Variants in ATRX observed in about 807,000 individuals in gnomAD.
ATRX encodes the protein ATRX chromatin remodeler, also known as chromatin remodeler ATRX.
ATRX carries 12 observed loss-of-function variants against 172.6 expected under a neutral mutation model. The observed-to-expected ratio is 0.07, with a 90% CI of 0.04 to 0.11. The LOEUF (loss-of-function observed/expected upper bound fraction) is 0.11. Ranked by LOEUF, ATRX falls within the 10% of genes least tolerant of loss-of-function variation. The pLI is 1.00. For missense variants in ATRX, 1,368 were observed against 1,767.4 expected (o/e 0.77, Z 4.05); for synonymous variants, 674 against 594.7 (o/e 1.13, Z -1.94).
rs2072199898 is a variant in ATRX, at chrX:77,696,623, A to G, written c.324T>C (p.Ser108=). 3.3e-6 allele frequency: 4 copies of G among 1,200,515 alleles called. No homozygotes were observed. Among genetic ancestry groups the G allele is most frequent in the Non-Finnish European group, 4.5e-6 (4 of 886,603 alleles). ...LDDETVNEDA[S]NENSENDITM... ...TAATATCATTTTCTGAATTTTCATT[A>G]GACGCATCTTCATTTACAGTTTCAT... is the stretch of plus-strand genomic sequence containing the variant. The change falls in exon 5 of 35, where the codon TCT becomes TCC. Residue 108 remains serine, a synonymous_variant. Coordinates refer to ENST00000373344, the MANE Select transcript of ATRX (RefSeq NM_000489.6).
intron 2 of ATRX, among the ~76,000 whole-genome samples, chrX:77,710,657 T>G (rs1275302699): frequency 1.8e-5 from 2 of 111,053 alleles, no homozygotes; most frequent in African/African-American, 6.5e-5. Flanking sequence ...TCAATGAATC[T>G]CCACAGAATT....
chrX:77,726,489 G>A (rs1183661153), intron 1 of ATRX, among the ~76,000 whole-genome samples: 1 of 85,863 alleles, frequency 1.2e-5, no homozygotes, highest in African/African-American at 4.3e-5. Flanking sequence ...GGGGGGAGGG[G>A]GGAGGGATAG....
At chrX:77,735,959 G>A (rs1054207280) in intron 1 of ATRX, among the ~76,000 whole-genome samples, 1 of 108,570 alleles carries the variant, frequency 9.2e-6, no homozygotes, top group Non-Finnish European at 1.9e-5. Context: ...AGCTGAGACC[G>A]TGCCATTGCA....
chrX:77,583,481 G>A (rs1476860865), intron 27 of ATRX, among the ~76,000 whole-genome samples: 4 of 110,207 alleles, frequency 3.6e-5, no homozygotes, highest in South Asian at 3.9e-4. Context: ...CCAAGATCAC[G>A]CCATTGCATT....
At chrX:77,541,551 C>T (rs1470818507) in intron 30 of ATRX, among the ~76,000 whole-genome samples, 2 of 111,864 alleles carry the variant, frequency 1.8e-5, no homozygotes, top group African/African-American at 6.5e-5. Flanking sequence ...CCCTGATGAA[C>T]ATCCATGAAA....
chrX:77,634,125 A>G (rs1389660412), intron 17 of ATRX, among the ~76,000 whole-genome samples: 3 of 106,980 alleles, frequency 2.8e-5, no homozygotes, highest in African/African-American at 1.0e-4. Context: ...ACATTCACCA[A>G]TTTTACATCT....
At chrX:77,726,839 A>C (rs1278376902) in intron 1 of ATRX, among the ~76,000 whole-genome samples, 2 of 110,979 alleles carry the variant, frequency 1.8e-5, no homozygotes, top group African/African-American at 6.5e-5. Context: ...AAAAAAAAAA[A>C]AAACTATAGG....
intron 25 of ATRX, among the ~76,000 whole-genome samples, 175 bp downstream of exon 25, chrX:77,599,236 T>C (rs1373708329): frequency 8.9e-6 from 1 of 112,104 alleles, no homozygotes; most frequent in Non-Finnish European, 1.9e-5. Context: ...GTAGCTTGCT[T>C]ATAATTAAAG....
At chrX:77,749,919 C>T (rs1339398345) in intron 1 of ATRX, among the ~76,000 whole-genome samples, 4 of 110,031 alleles carry the variant, frequency 3.6e-5, no homozygotes, top group African/African-American at 6.6e-5. Flanking sequence ...ATCATCAGGA[C>T]GTGATGATTC....
At chrX:77,543,560 A>T (rs1228217174) in intron 30 of ATRX, among the ~76,000 whole-genome samples, 1 of 111,997 alleles carries the variant, frequency 8.9e-6, no homozygotes. Flanking sequence ...AACCAACTCA[A>T]ATGCCCATCA....
At chrX:77,697,325 T>C (rs1484004208) in intron 4 of ATRX, among the ~76,000 whole-genome samples, 1 of 111,503 alleles carries the variant, frequency 9.0e-6, no homozygotes, top group Non-Finnish European at 1.9e-5. Context: ...AACTACATAT[T>C]GCAAGGGCCA....
intron 1 of ATRX, among the ~76,000 whole-genome samples, chrX:77,754,250 T>A (rs782146671): frequency 1.8e-5 from 2 of 111,087 alleles, no homozygotes; most frequent in East Asian, 5.6e-4. Flanking sequence ...ATCAGATGGG[T>A]CTTCTGAATA....
chrX:77,690,151 C>CT (rs1437733444), intron 6 of ATRX, among the ~76,000 whole-genome samples: 1 of 112,087 alleles, frequency 8.9e-6, no homozygotes, highest in Non-Finnish European at 1.9e-5. Context: ...ATTCAGCTCA[C>CT]TGCAGCCTCT....
intron 22 of ATRX, among the ~76,000 whole-genome samples, chrX:77,602,552 C>T: frequency 9.1e-6 from 1 of 109,619 alleles, no homozygotes; most frequent in Middle Eastern, 4.9e-3. Context: ...TACCACCATA[C>T]ATTTCTCTCT....
At chrX:77,664,994 A>G (rs1454326970) in intron 10 of ATRX, among the ~76,000 whole-genome samples, 1 of 112,314 alleles carries the variant, frequency 8.9e-6, no homozygotes, top group Non-Finnish European at 1.9e-5. Flanking sequence ...TCAATTCTAT[A>G]CAATTCTGCA....
At chrX:77,727,207 T>C (rs1395634618) in intron 1 of ATRX, among the ~76,000 whole-genome samples, 3 of 111,285 alleles carry the variant, frequency 2.7e-5, no homozygotes, top group Non-Finnish European at 5.7e-5. Flanking sequence ...TGTGGAGAAA[T>C]AGGAACACTT....
In ATRX at chrX:77,697,641, T is replaced by C. The variant is rs782620881; in HGVS notation, c.190-6A>G. The stretch of plus-strand genomic sequence containing the variant: ...TTTTCTGAAGAGCTAGTTCCCTAGA[T>C]GTGAGACATAAATATAAAAGTGAAT... On this transcript the variant is annotated splice_region_variant and splice_polypyrimidine_tract_variant and intron_variant, in intron 3 of 34. Coordinates refer to ENST00000373344, the MANE Select transcript of ATRX (RefSeq NM_000489.6). 2 of 1,203,000 alleles carry C rather than the reference T, an allele frequency of 1.7e-6. No individual in the cohort carries two copies. Among genetic ancestry groups the C allele is most frequent in the East Asian group, 3.0e-5 (1 of 33,720 alleles).
At position 77,633,353 on chromosome X, in the gene ATRX, T is replaced by C. The variant is rs1557106500; in HGVS notation, c.4988A>G (p.Gln1663Arg). The part of the protein sequence containing the change: ...VSELATVKRP[Q>R]ERSYMLQRWQ... ...CCTCTGCAGCATGTAGCTTCTCTCC[T>C]GAGGACGTTTCACAGTTGCTAATTC... is the stretch of plus-strand genomic sequence containing the variant. The change falls in exon 19 of 35, where the codon CAG becomes CGG. Residue 1663 changes from glutamine (Q) to arginine (R), a missense_variant. By Grantham distance (43) the Gln-to-Arg change is conservative. Transcript: ENST00000373344. 8.3e-7 allele frequency: 1 copy of C among 1,210,055 alleles called. No homozygotes were observed. The highest frequency in any genetic ancestry group is 1.1e-6 in the Non-Finnish European group (1 of 894,892).
At chrX:77,758,116 C>T (rs782164388) in intron 1 of ATRX, among the ~76,000 whole-genome samples, 56 of 111,244 alleles carry the variant, frequency 5.0e-4, no homozygotes, top group Non-Finnish European at 8.7e-4. Context: ...AGGCTGGGCA[C>T]GGTGGCTCAC....
Sources: gnomAD v4.1 joint callset for allele counts (sites outside exome capture counted in the v4.1 genomes callset) on GRCh38, gnomAD v4.1.1 for gene constraint, MANE v1.5 for transcripts, NCBI Gene and HGNC (gene_info 2026-07-23, HGNC 2026-07-21) for gene names.